The following ADAM2 variants were observed in gnomAD, a reference collection of about 807,000 sequenced individuals.
The protein encoded by ADAM2 is disintegrin and metalloproteinase domain-containing protein 2.
ADAM2 carries 101 observed loss-of-function variants against 99.3 expected under a neutral mutation model. That is an observed-to-expected ratio of 1.02 (90% CI 0.87 to 1.20). The LOEUF (loss-of-function observed/expected upper bound fraction) is 1.20, where lower values mean the gene tolerates loss of function less well. ADAM2 is among the 50% of genes most tolerant of loss of function. ADAM2 has a pLI of 0.00. For missense variants in ADAM2, 948 were observed against 878.7 expected (o/e 1.08, Z -1.00); for synonymous variants, 323 against 287.6 (o/e 1.12, Z -1.25).
chr8:39,829,941 T>A lies in ADAM2; in HGVS notation c.188+4003A>T, dbSNP rs117206647. ...AAAGAAACCACATTAGCTAGGATAATAAATTCTAAATAAAATCAGAGAAAT... is the reference window on the plus strand; with the variant it reads ...AAAGAAACCACATTAGCTAGGATAAAAAATTCTAAATAAAATCAGAGAAAT... On this transcript the variant is annotated intron_variant, in intron 3 of 20. Coordinates refer to ENST00000265708, the MANE Select transcript of ADAM2 (RefSeq NM_001464.5). Among the ~76,000 whole-genome samples the A allele has an allele frequency of 1.2e-3, 183 of 152,116 alleles. 5 individuals are homozygous for A. In the East Asian group the frequency reaches 0.024, roughly 20 times the overall value.
At chr8:39,766,073 A>G (rs1324204414) in intron 14 of ADAM2, among the ~76,000 whole-genome samples, 1 of 152,154 alleles carries the variant, frequency 6.6e-6, no homozygotes, top group Non-Finnish European at 1.5e-5. Context: ...ATCATCCCTC[A>G]ATAACTTCAG....
rs544941483 is a variant in ADAM2 at position 39,813,700 on chromosome 8, C to G, written c.514-4234G>C. On this transcript the variant is annotated intron_variant, in intron 6 of 20. Coordinates refer to ENST00000265708, the MANE Select transcript of ADAM2 (RefSeq NM_001464.5). ...AAGTCAAACACCACATGTTCTCACTCAGAAGTGGGAATTAAACAATTAGAA... is the reference window on the plus strand; with the variant it reads ...AAGTCAAACACCACATGTTCTCACTGAGAAGTGGGAATTAAACAATTAGAA... Among the ~76,000 whole-genome samples the G allele has an allele frequency of 1.6e-3, 243 of 151,856 alleles. 2 individuals are homozygous for G. Among genetic ancestry groups the G allele is most frequent in the African/African-American group, 5.6e-3 (230 of 41,396 alleles).
Position 39,800,558 on chromosome 8 carries a change from T to C in ADAM2, c.570+8852A>G, listed in dbSNP as rs570575025. 3.3e-5 allele frequency among the ~76,000 whole-genome samples: 5 copies of C among 152,294 alleles called. No individual in the cohort carries two copies. The South Asian group carries it at 1.0e-3, about 32-fold the overall frequency. ...ACAGTGTTCTCTGTATTTCCTGAAT[T>C]TGCATGTTGGCCTGTCTTCCTAGGT... On this transcript the variant is annotated intron_variant, in intron 7 of 20. Coordinates refer to ENST00000265708, the MANE Select transcript of ADAM2 (RefSeq NM_001464.5).
At chr8:39,826,356 A>G (rs1306990071) in intron 3 of ADAM2, among the ~76,000 whole-genome samples, 5 of 152,236 alleles carry the variant, frequency 3.3e-5, no homozygotes, top group South Asian at 2.1e-4. Flanking sequence ...AGTCCCTTCA[A>G]TGAAATCACA....
At position 39,780,795 on chromosome 8, in the gene ADAM2, T is replaced by A. The variant is rs148737944; in HGVS notation, c.892-3634A>T. ...TTGCTGCTTTATACTAGTATTGATA[T>A]ATAAATTATCCTATGGTTGTTATTT... On this transcript the variant is annotated intron_variant, in intron 10 of 20. Transcript: ENST00000265708. Among the ~76,000 whole-genome samples the A allele has an allele frequency of 1.1e-4, 16 of 152,304 alleles. No homozygotes were observed. In the East Asian group the frequency reaches 3.1e-3, roughly 29 times the overall value.
At chr8:39,804,698 G>A (rs752877717) in intron 7 of ADAM2, among the ~76,000 whole-genome samples, 2 of 151,888 alleles carry the variant, frequency 1.3e-5, no homozygotes, top group Non-Finnish European at 2.9e-5. Context: ...TATGATATGA[G>A]TATTATTAAA....
intron 11 of ADAM2, among the ~76,000 whole-genome samples, chr8:39,770,850 A>G (rs1802752402): frequency 6.6e-6 from 1 of 152,108 alleles, no homozygotes; most frequent in Non-Finnish European, 1.5e-5. Context: ...TACTTTCTAT[A>G]TATTCAATAT....
At chr8:39,815,824 T>C (rs1055775613) in intron 6 of ADAM2, among the ~76,000 whole-genome samples, 15 of 152,120 alleles carry the variant, frequency 9.9e-5, no homozygotes, top group African/African-American at 2.9e-4. Context: ...AAAACAATAA[T>C]GTGAGTAATA....
intron 7 of ADAM2, among the ~76,000 whole-genome samples, chr8:39,806,460 T>C (rs1804446642): frequency 6.8e-6 from 1 of 147,538 alleles, no homozygotes; most frequent in African/African-American, 2.5e-5. Flanking sequence ...TGACACATAA[T>C]AAAAAAAAAG....
intron 14 of ADAM2, among the ~76,000 whole-genome samples, chr8:39,762,650 A>G (rs1802415298): frequency 6.6e-6 from 1 of 152,208 alleles, no homozygotes; most frequent in Non-Finnish European, 1.5e-5. Context: ...TGATTCAATT[A>G]TTAATAGTTG....
intron 12 of ADAM2, among the ~76,000 whole-genome samples, chr8:39,768,930 T>C (rs1400119353): frequency 1.3e-5 from 2 of 152,192 alleles, no homozygotes; most frequent in Non-Finnish European, 2.9e-5. Context: ...ATCATATACT[T>C]GAACTTTGCT....
At chr8:39,822,752 TTTTTG>T (rs1554531026) in intron 4 of ADAM2, among the ~76,000 whole-genome samples, 1 of 151,928 alleles carries the variant, frequency 6.6e-6, no homozygotes. Context: ...GTCTGTTTTT[TTTTTG>T]TTTTGTTTTG....
chr8:39,835,264 C>T lies in ADAM2; in HGVS notation c.133-1265G>A, dbSNP rs556101079. On this transcript the variant is annotated intron_variant, in intron 2 of 20. Coordinates refer to ENST00000265708, the MANE Select transcript of ADAM2 (RefSeq NM_001464.5). ...CTTAAGCTTCTAATTCTGTCCTTTT[C>T]TCTTAGCCTTTCACATGTTGCATTT... Among the ~76,000 whole-genome samples, 13 of 152,310 alleles carry T rather than the reference C, an allele frequency of 8.5e-5. No individual in the cohort carries two copies. The South Asian group carries it at 1.0e-3, about 12-fold the overall frequency.
chr8:39,753,107 A>C (rs1177545875), intron 16 of ADAM2, among the ~76,000 whole-genome samples: 1 of 152,156 alleles, frequency 6.6e-6, no homozygotes, highest in Non-Finnish European at 1.5e-5. Flanking sequence ...AGACGGGAAA[A>C]TGTGGGAAAG....
intron 11 of ADAM2, among the ~76,000 whole-genome samples, chr8:39,774,406 C>T (rs1285006380): frequency 6.6e-6 from 1 of 151,944 alleles, no homozygotes; most frequent in Admixed American, 6.6e-5. Context: ...ATACAATTCT[C>T]ATGAGACTAA....
At chr8:39,837,358 G>T in intron 1 of ADAM2, 146 bp from the exon 2 acceptor site, 1 of 556,810 alleles carries the variant, frequency 1.8e-6, no homozygotes, top group Non-Finnish European at 2.9e-6. Flanking sequence ...AAAATACAAG[G>T]AGGTTTTTTT....
At position 39,795,729 on chromosome 8, in the gene ADAM2, T is replaced by TAAG. The variant is rs1803910323; in HGVS notation, c.571-6990_571-6989insCTT. Among the ~76,000 whole-genome samples the TAAG allele has an allele frequency of 1.6e-4, 24 of 152,288 alleles. 1 individual carries two copies. The South Asian group carries it at 3.9e-3, about 25-fold the overall frequency. ...TGTGTTAAGGGCATGTTCTTAACCT[T>TAAG]GGCAAAACAAACTTTCTAAATTGAT... On this transcript the variant is annotated intron_variant, in intron 7 of 20. Coordinates refer to ENST00000265708, the MANE Select transcript of ADAM2 (RefSeq NM_001464.5).
chr8:39,760,113 C>G (rs1802292118), intron 15 of ADAM2, among the ~76,000 whole-genome samples: 2 of 151,992 alleles, frequency 1.3e-5, no homozygotes, highest in Non-Finnish European at 2.9e-5. Flanking sequence ...GTGATCTGCC[C>G]GCCTCAGCCT....
intron 2 of ADAM2, among the ~76,000 whole-genome samples, chr8:39,834,520 G>A (rs1157063913): frequency 6.6e-6 from 1 of 151,886 alleles, no homozygotes; most frequent in Non-Finnish European, 1.5e-5. Context: ...GGATCATGAG[G>A]TCAAGATTTT....
Sources: allele counts gnomAD v4.1 joint callset (sites outside exome capture counted in the v4.1 genomes callset), GRCh38; gene constraint gnomAD v4.1.1; transcripts MANE v1.5; gene names NCBI Gene and HGNC (gene_info 2026-07-23, HGNC 2026-07-21).